TOGARAM1: variants seen among roughly 807,000 people sequenced by gnomAD.
TOGARAM1 encodes the protein TOG array regulator of axonemal microtubules 1.
A neutral mutation model predicts 166.6 loss-of-function variants in TOGARAM1; 100 were observed. The observed-to-expected ratio is 0.60, with a 90% confidence interval of 0.51 to 0.71. The LOEUF is 0.71. TOGARAM1 is among the 30% of genes least tolerant of loss of function. The probability of loss-of-function intolerance (pLI) is 0.00; values close to 1 mark genes in which losing one functional copy is unlikely to be tolerated. For synonymous variants in TOGARAM1, 758 were observed against 763.8 expected, an observed-to-expected ratio of 0.99 and a Z score of 0.13; for missense variants, 2,029 against 2,102.7, an observed-to-expected ratio of 0.96 and a Z score of 0.69.
chr14:45,050,218 A>G (rs867638001), intron 14 of TOGARAM1, among the ~76,000 whole-genome samples: 1 of 152,104 alleles, frequency 6.6e-6, no homozygotes, highest in Non-Finnish European at 1.5e-5. Flanking sequence ...TCTTCCTGCA[A>G]TTTCATTACA....
chr14:44,990,166 A>G (rs1887052724), intron 1 of TOGARAM1, among the ~76,000 whole-genome samples: 1 of 152,200 alleles, frequency 6.6e-6, no homozygotes, highest in African/African-American at 2.4e-5. Context: ...TGAAAAGACA[A>G]TAAGGAAAGC....
chr14:45,044,931 C>CTTTTCATTT (rs1881913965), intron 13 of TOGARAM1, 61 bp downstream of exon 13: 2 of 1,269,804 alleles, frequency 1.6e-6, no homozygotes, highest in Admixed American at 2.3e-5. Flanking sequence ...GCAATCGGGA[C>CTTTTCATTT]TGTAGAAAAG....
intron 11 of TOGARAM1, among the ~76,000 whole-genome samples, chr14:45,035,130 G>A (rs899963793): frequency 2.0e-5 from 3 of 152,150 alleles, no homozygotes; most frequent in South Asian, 2.1e-4. Context: ...AGTTGAAGAC[G>A]TAACCATTGA....
chr14:44,964,007 C>T lies in TOGARAM1; in HGVS notation c.1586C>T (p.Ala529Val), dbSNP rs745959342. 1.2e-6 allele frequency: 2 copies of T among 1,614,098 alleles called. No individual in the cohort carries two copies. The highest frequency in any genetic ancestry group is 3.3e-5 in the Admixed American group (2 of 60,010). ...LVDSKRRVRQ[A>V]ALEAFAVLAS... ...GATAGCAAACGCAGGGTACGCCAAG[C>T]AGCTTTAGAAGCTTTTGCCGTATTG... is the stretch of plus-strand genomic sequence containing the variant. The change falls in exon 1 of 20, where the codon GCA (alanine) becomes GTA (valine). Residue 529 changes from alanine to valine, a missense_variant. Around this residue, in one of 2 missense-constraint regions of TOGARAM1, gnomAD observed 1,453 missense variants for 1,432.2 expected, o/e 1.01. Coordinates refer to ENST00000361462, the MANE Select transcript of TOGARAM1 (RefSeq NM_001308120.2).
chr14:45,068,480 G>A lies in TOGARAM1; in HGVS notation c.4806G>A (p.Val1602=), dbSNP rs1356674359. 1 of 1,612,810 alleles carries A rather than the reference G, an allele frequency of 6.2e-7. No individual in the cohort carries two copies. The highest frequency in any genetic ancestry group is 1.7e-5 in the Admixed American group (1 of 59,900). ...LHDSNSKVNL[V]ALETMHKMIP... Reference sequence around the variant, plus strand: ...ATTCTAATAGTAAAGTAAATCTGGTGGCTCTGGAAACAATGCACAAAATGA... The same window carrying A: ...ATTCTAATAGTAAAGTAAATCTGGTAGCTCTGGAAACAATGCACAAAATGA... Residue 1602 remains valine, a synonymous_variant, in exon 18 of 20, where the codon GTG becomes GTA. Coordinates refer to ENST00000361462, the MANE Select transcript of TOGARAM1 (RefSeq NM_001308120.2).
At chr14:45,015,126 A>T (rs1276569159) in intron 7 of TOGARAM1, among the ~76,000 whole-genome samples, 1 of 151,922 alleles carries the variant, frequency 6.6e-6, no homozygotes, top group East Asian at 1.9e-4. Flanking sequence ...CAACATAGCA[A>T]AACCTAATCT....
At chr14:45,004,512 G>A in intron 4 of TOGARAM1, 146 bp downstream of exon 4, 1 of 627,612 alleles carries the variant, frequency 1.6e-6, no homozygotes, top group Non-Finnish European at 2.7e-6. Flanking sequence ...ATTTAATAGT[G>A]TGTTAAATAA....
At chr14:44,990,382 C>G (rs1471355607) in intron 1 of TOGARAM1, among the ~76,000 whole-genome samples, 1 of 152,224 alleles carries the variant, frequency 6.6e-6, no homozygotes, top group African/African-American at 2.4e-5. Context: ...ACATGAGCCA[C>G]ATTGCTCAGT....
intron 14 of TOGARAM1, among the ~76,000 whole-genome samples, chr14:45,047,242 A>G (rs1161684882): frequency 6.6e-6 from 1 of 151,806 alleles, no homozygotes. Flanking sequence ...ATACAATAAA[A>G]TTAGCCGGGC....
At position 45,028,320 on chromosome 14, in the gene TOGARAM1, G is replaced by T; in HGVS notation, c.3649G>T (p.Ala1217Ser). ...RMRHTGTEKM[A>S]SESETPTGAI... Reference sequence around the variant, plus strand: ...GAGACATACAGGAACTGAGAAAATGGCATCTGAAAGTAAGTGGAATTTAAG... The same window carrying T: ...GAGACATACAGGAACTGAGAAAATGTCATCTGAAAGTAAGTGGAATTTAAG... Residue 1217 changes from alanine (A) to serine (S), a missense_variant, in exon 10 of 20, where the codon GCA (alanine) becomes TCA (serine). By Grantham distance (99) the Ala-to-Ser change is moderately conservative. This residue lies in a region of TOGARAM1 where 576 missense variants were observed against 670.5 expected (regional missense o/e 0.86). Transcript: ENST00000361462. 1 of 1,582,140 alleles carries T rather than the reference G, an allele frequency of 6.3e-7. No homozygotes were observed. The highest frequency in any genetic ancestry group is 8.5e-7 in the Non-Finnish European group (1 of 1,171,954).
At chr14:44,999,303 G>A (rs528365154) in intron 2 of TOGARAM1, 60 bp from the exon 3 acceptor site, 44 of 1,437,576 alleles carry the variant, frequency 3.1e-5, no homozygotes, top group African/African-American at 3.0e-4. Context: ...GAAATAAAAT[G>A]TATTCATGAA....
At chr14:45,063,485 T>TTTTTTG (rs1555352463) in intron 16 of TOGARAM1, among the ~76,000 whole-genome samples, 5 of 132,774 alleles carry the variant, frequency 3.8e-5, no homozygotes, top group African/African-American at 1.4e-4. Context: ...CAAAGTTTTT[T>TTTTTTG]TTTTTTTTTT....
At chr14:44,989,105 G>A (rs115191762) in intron 1 of TOGARAM1, among the ~76,000 whole-genome samples, 9 of 152,154 alleles carry the variant, frequency 5.9e-5, no homozygotes, top group Admixed American at 3.3e-4. Flanking sequence ...ACATTAAACA[G>A]CAATACATAA....
At chr14:45,065,325 CCA>C (rs1883090468) in intron 16 of TOGARAM1, among the ~76,000 whole-genome samples, 2 of 152,070 alleles carry the variant, frequency 1.3e-5, no homozygotes, top group Non-Finnish European at 2.9e-5. Context: ...GCTTCCCTTG[CCA>C]CACTGCAGAA....
At chr14:45,019,168 G>C (rs1880338249) in intron 7 of TOGARAM1, among the ~76,000 whole-genome samples, 1 of 152,136 alleles carries the variant, frequency 6.6e-6, no homozygotes, top group African/African-American at 2.4e-5. Flanking sequence ...AAGCTTTACA[G>C]TCATTTTTGT....
At chr14:45,054,349 C>T in intron 15 of TOGARAM1, 82 bp from the exon 16 acceptor site, 2 of 827,726 alleles carry the variant, frequency 2.4e-6, no homozygotes. Flanking sequence ...TCAATGATGC[C>T]TACTTTGAAA....
intron 10 of TOGARAM1, among the ~76,000 whole-genome samples, chr14:45,030,554 T>G (rs1205332590): frequency 6.6e-6 from 1 of 152,152 alleles, no homozygotes; most frequent in Non-Finnish European, 1.5e-5. Context: ...AGGATTTTAT[T>G]TATACATGTT....
chr14:45,011,905 CA>C (rs1879824588), intron 6 of TOGARAM1, 69 bp from the exon 7 acceptor site: 6 of 1,045,406 alleles, frequency 5.7e-6, no homozygotes, highest in Non-Finnish European at 8.5e-6. Flanking sequence ...GGAGAATAGA[CA>C]ATATGTGATG....
In TOGARAM1 at chr14:44,964,348, A is replaced by C; in HGVS notation, c.1927A>C (p.Thr643Pro). The change falls in exon 1 of 20, where the codon ACT (threonine) becomes CCT (proline). Residue 643 changes from threonine (T) to proline (P), a missense_variant. Thr to Pro is a conservative substitution (Grantham distance 38). Coordinates refer to ENST00000361462, the MANE Select transcript of TOGARAM1 (RefSeq NM_001308120.2). ...SMHIYGSYSP[T>P]ICTRRVLSAG... ...GCACATTTATGGATCTTACAGCCCAACTATCTGTACCCGAAGGGTATTAAG... is the reference window on the plus strand; with the variant it reads ...GCACATTTATGGATCTTACAGCCCACCTATCTGTACCCGAAGGGTATTAAG... The C allele has an allele frequency of 6.2e-7, 1 of 1,614,224 alleles. No homozygotes were observed. Among genetic ancestry groups the C allele is most frequent in the Non-Finnish European group, 8.5e-7 (1 of 1,180,040 alleles).
Sources: allele counts gnomAD v4.1 joint callset (sites outside exome capture counted in the v4.1 genomes callset), GRCh38; gene constraint gnomAD v4.1.1; regional missense constraint gnomAD v4.1.1; transcripts MANE v1.5; gene names NCBI Gene and HGNC (gene_info 2026-07-23, HGNC 2026-07-21).